The following MPRIP variants were observed in gnomAD, a reference collection of about 807,000 sequenced individuals.
MPRIP encodes myosin phosphatase Rho interacting protein, also known as myosin phosphatase Rho-interacting protein.
In MPRIP, 59 loss-of-function variants were observed where a neutral mutation model predicts 234.9. The ratio of observed to expected loss-of-function variants is 0.25; its 90% CI spans 0.20 to 0.31. MPRIP has a LOEUF of 0.31. Among genes scored for constraint, MPRIP ranks in the 10% least tolerant of loss-of-function variants. The pLI is 1.00. For synonymous variants in MPRIP, 1,144 were observed against 1,263.9 expected, an observed-to-expected ratio of 0.91 and a Z score of 2.01; for missense variants, 2,436 against 3,071.0, an observed-to-expected ratio of 0.79 and a Z score of 4.89.
At chr17:17,080,866 G>A (rs1597770662) in intron 3 of MPRIP, among the ~76,000 whole-genome samples, 1 of 152,202 alleles carries the variant, frequency 6.6e-6, no homozygotes, top group South Asian at 2.1e-4. Flanking sequence ...AGTGCCAGTC[G>A]TAGAATGGGG....
chr17:17,087,449 AGTT>A (rs1245940688), intron 3 of MPRIP, among the ~76,000 whole-genome samples: 1 of 152,222 alleles, frequency 6.6e-6, no homozygotes, highest in East Asian at 1.9e-4. Flanking sequence ...AGAGGGAAGA[AGTT>A]GGAGCAGAAC....
chr17:17,057,222 A>T (rs929593770), intron 1 of MPRIP, among the ~76,000 whole-genome samples: 2 of 152,204 alleles, frequency 1.3e-5, no homozygotes, highest in African/African-American at 4.8e-5. Context: ...GGGGCTCTTC[A>T]CAGAGGAGTC....
rs977143683 is a variant in MPRIP, at chr17:17,167,051, G to C, written c.5460G>C (p.Gln1820His). ...GCCAGAAGCTTCTCCAGGTGTCCCA[G>C]AGTCTCTCGTATAACACTTGTTTGG... is the stretch of plus-strand genomic sequence containing the variant. ...RDCQKLLQVSQSLSYNTCLGG... is the reference protein window; with the variant it reads ...RDCQKLLQVSHSLSYNTCLGG... The change falls in exon 16 of 24, where the codon CAG becomes CAC. Residue 1820 changes from glutamine (Q) to histidine (H), a missense_variant. Gln to His is a conservative substitution (Grantham distance 24). Transcript: ENST00000651222. This position sits in a 1 kb window ranked among gnomAD's most constrained non-coding sequence, Gnocchi z 5.9. 3.1e-6 allele frequency: 4 copies of C among 1,304,386 alleles called. No homozygotes were observed. The highest frequency in any genetic ancestry group is 2.1e-4 in the Middle Eastern group (1 of 4,698). 80.8% of individuals were successfully genotyped at this position (1,304,386 alleles called of 1,614,324 possible). A position where few individuals can be genotyped will look rare whatever the true frequency, so the allele number is the denominator to read the frequency against.
At chr17:17,051,072 G>T (rs993747350) in intron 1 of MPRIP, among the ~76,000 whole-genome samples, 30 of 152,210 alleles carry the variant, frequency 2.0e-4, no homozygotes, top group African/African-American at 7.2e-4. Context: ...TGTAAAGCGG[G>T]TGCCTGCCTT....
chr17:17,188,396 A>G lies in MPRIP; in HGVS notation c.*3502A>G, dbSNP rs2046519566. The G allele has an allele frequency of 6.6e-6, 1 of 152,194 alleles. No homozygotes were observed. The allele number at this position is 152,194 out of a possible 1,614,324, so 9.4% of individuals were successfully genotyped here. On this transcript the variant is annotated 3_prime_UTR_variant, in exon 24 of 24. Coordinates refer to ENST00000651222, the MANE Select transcript of MPRIP (RefSeq NM_001364716.4). ...GATTCAGCAAGTATGAAGGCAGAAG[A>G]GCATGGAGAGCAAGGCCCCACAGCC...
intron 1 of MPRIP, among the ~76,000 whole-genome samples, chr17:17,066,162 G>A (rs936669768): frequency 6.6e-5 from 10 of 152,028 alleles, no homozygotes; most frequent in Admixed American, 2.6e-4. Context: ...CTAGAAATTC[G>A]CGCACTATGT....
chr17:17,044,645 A>G (rs2088288061), intron 1 of MPRIP, among the ~76,000 whole-genome samples: 1 of 152,074 alleles, frequency 6.6e-6, no homozygotes, highest in East Asian at 1.9e-4. Context: ...GCAACTGTCA[A>G]AATTGGTAAA....
intron 7 of MPRIP, among the ~76,000 whole-genome samples, chr17:17,141,258 C>T (rs1233158724): frequency 6.6e-6 from 1 of 152,192 alleles, no homozygotes; most frequent in African/African-American, 2.4e-5. Flanking sequence ...AAGATCCCAC[C>T]ACAATCGCTC....
At chr17:17,085,015 A>G (rs1194698541) in intron 3 of MPRIP, among the ~76,000 whole-genome samples, 1 of 152,228 alleles carries the variant, frequency 6.6e-6, no homozygotes, top group East Asian at 1.9e-4. Context: ...TTTATGGGTC[A>G]GTCTTATACT....
intron 13 of MPRIP, among the ~76,000 whole-genome samples, chr17:17,156,478 T>C (rs41319048): frequency 0.027 from 4,117 of 152,352 alleles, 106 homozygotes; most frequent in East Asian, 0.12. Flanking sequence ...GTGAGTTTTT[T>C]AGTGCTGCCA....
At chr17:17,113,920 T>C (rs2090227829) in intron 3 of MPRIP, among the ~76,000 whole-genome samples, 1 of 141,268 alleles carries the variant, frequency 7.1e-6, no homozygotes, top group Non-Finnish European at 1.5e-5. Context: ...AGAGACAGGG[T>C]CTCACTCTGT....
In MPRIP at chr17:17,166,857, C is replaced by T; in HGVS notation, c.5266C>T (p.Arg1756Ter). ...GAGCCCCTTAGGAGAAGTCCTGGGC[C>T]GAGACTCAGACAGCTCTCAGGAGCC... ...DLSPLGEVLG[R>*]DSDSSQEPFD... The change falls in exon 16 of 24, where the codon CGA becomes TGA. Residue 1756 changes from arginine (R) to a stop codon, truncating the protein, a stop_gained. Coordinates refer to ENST00000651222, the MANE Select transcript of MPRIP (RefSeq NM_001364716.4). LOFTEE classifies it high-confidence loss of function. The surrounding 1 kb of genome is among the most constrained non-coding windows in gnomAD (Gnocchi z 4.4). 7.7e-7 allele frequency: 1 copy of T among 1,304,148 alleles called. No homozygotes were observed. The highest frequency in any genetic ancestry group is 1.0e-6 in the Non-Finnish European group (1 of 988,960). The allele number at this position is 1,304,148 out of a possible 1,614,324, so 80.8% of individuals were successfully genotyped here. A position where few individuals can be genotyped will look rare whatever the true frequency, so the allele number is the denominator to read the frequency against.
intron 23 of MPRIP, among the ~76,000 whole-genome samples, chr17:17,183,805 A>G (rs113139223): frequency 6.6e-6 from 1 of 152,232 alleles, no homozygotes; most frequent in Non-Finnish European, 1.5e-5. Context: ...GATGGGGTAC[A>G]GCCTGCAGTT....
intron 21 of MPRIP, among the ~76,000 whole-genome samples, 198 bp downstream of exon 21, chr17:17,176,710 C>G (rs1305327841): frequency 2.0e-5 from 3 of 152,240 alleles, no homozygotes; most frequent in African/African-American, 4.8e-5. Flanking sequence ...CATGAGCAAC[C>G]TGCCTGGCCT....
chr17:17,092,283 G>A (rs187518033), intron 3 of MPRIP, among the ~76,000 whole-genome samples: 26 of 152,330 alleles, frequency 1.7e-4, no homozygotes, highest in African/African-American at 6.0e-4. Flanking sequence ...GGTCTGAGGC[G>A]TGTTATAGTC....
intron 15 of MPRIP, among the ~76,000 whole-genome samples, chr17:17,162,396 CAG>C (rs1297147571): frequency 6.6e-6 from 1 of 152,248 alleles, no homozygotes; most frequent in African/African-American, 2.4e-5. Context: ...GCAGATGGAA[CAG>C]GGGCACTCAG....
intron 1 of MPRIP, among the ~76,000 whole-genome samples, chr17:17,048,567 C>T (rs148774901): frequency 8.5e-5 from 13 of 152,212 alleles, no homozygotes; most frequent in African/African-American, 2.6e-4. Context: ...CCATTTCAGA[C>T]GGCCAAGCAC....
chr17:17,114,094 T>C (rs2090232031), intron 3 of MPRIP, among the ~76,000 whole-genome samples: 1 of 152,122 alleles, frequency 6.6e-6, no homozygotes, highest in South Asian at 2.1e-4. Flanking sequence ...GGTCTCACTA[T>C]CTTGCCCAGG....
At chr17:17,157,043 T>C (rs2045745126) in intron 13 of MPRIP, among the ~76,000 whole-genome samples, 1 of 152,218 alleles carries the variant, frequency 6.6e-6, no homozygotes, top group Non-Finnish European at 1.5e-5. Context: ...GGCTTGCAAC[T>C]GCCTTCTGAG....
Sources: allele counts gnomAD v4.1 joint callset (sites outside exome capture counted in the v4.1 genomes callset), GRCh38; gene constraint gnomAD v4.1.1; non-coding constraint Gnocchi (gnomAD v3.1); transcripts MANE v1.5; gene names NCBI Gene and HGNC (gene_info 2026-07-23, HGNC 2026-07-21).